Variants in SIMC1 observed in about 807,000 individuals in gnomAD.
SIMC1 encodes SUMO interacting motifs containing 1.
A neutral mutation model predicts 82.3 loss-of-function variants in SIMC1; 55 were observed. That is an observed-to-expected ratio of 0.67 (90% confidence interval 0.54 to 0.84). The LOEUF is 0.84. Among genes scored for constraint, SIMC1 ranks in the 40% least tolerant of loss-of-function variants. The probability of loss-of-function intolerance (pLI) is 0.00; values close to 1 mark genes in which losing one functional copy is unlikely to be tolerated. For missense variants in SIMC1, 915 were observed against 1,107.2 expected (o/e 0.83, Z 2.46); for synonymous variants, 353 against 426.3 (o/e 0.83, Z 2.12).
chr5:176,289,511 G>A (rs935652644), intron 1 of SIMC1, 143 bp from the exon 2 acceptor site: 6 of 654,290 alleles, frequency 9.2e-6, no homozygotes, highest in Non-Finnish European at 1.5e-5. Context: ...CAATACTATT[G>A]CTTATGTTAC....
chr5:176,341,821 A>G (rs915742561), intron 9 of SIMC1, among the ~76,000 whole-genome samples: 3 of 152,200 alleles, frequency 2.0e-5, no homozygotes, highest in African/African-American at 7.2e-5. Flanking sequence ...ACTACTAACA[A>G]TACTATCAGC....
intron 4 of SIMC1, chr5:176,308,734 T>C (rs902562240): frequency 1.1e-5 from 16 of 1,437,874 alleles, no homozygotes; most frequent in African/African-American, 8.4e-5. Context: ...CATGTCACTA[T>C]CGGGAAAGCG....
chr5:176,293,845 G>A (rs895323628), intron 2 of SIMC1, among the ~76,000 whole-genome samples: 1 of 152,028 alleles, frequency 6.6e-6, no homozygotes, highest in African/African-American at 2.4e-5. Context: ...AGTAATAAGT[G>A]TGTTATGGAA....
chr5:176,305,134 GGA>G (rs1491368772), intron 4 of SIMC1, among the ~76,000 whole-genome samples: 530 of 7,152 alleles, frequency 0.074, 7 homozygotes, highest in African/African-American at 0.13. Flanking sequence ...GTGCCATCCA[GGA>G]GGGGGGGGGG....
At position 176,313,795 on chromosome 5, in the gene SIMC1, A is replaced by G. The variant is rs1399022287; in HGVS notation, c.1839A>G (p.Gln613=). The G allele has an allele frequency of 5.0e-6, 8 of 1,613,966 alleles. No homozygotes were observed. The highest frequency in any genetic ancestry group is 6.8e-6 in the Non-Finnish European group (8 of 1,179,878). The change falls in exon 5 of 10, where the codon CAA becomes CAG. Residue 613 remains glutamine, a synonymous_variant. Coordinates refer to ENST00000429602, the MANE Select transcript of SIMC1 (RefSeq NM_001308195.2). ...GGAGGCAACGGCAGCACCTGCAGCA[A>G]TCCATTGCAAACATGGTGCTTTCCT... The part of the protein sequence containing the change: ...TLRRQRQHLQ[Q]SIANMVLSCD...
chr5:176,269,773 CCTCA>C (rs1188991080), intron 1 of SIMC1, among the ~76,000 whole-genome samples: 2 of 152,110 alleles, frequency 1.3e-5, no homozygotes, highest in Admixed American at 6.5e-5. Context: ...AGAGATGACG[CCTCA>C]CTCTATTGCC....
chr5:176,338,590 G>A (rs1186062715), intron 9 of SIMC1, among the ~76,000 whole-genome samples: 2 of 152,102 alleles, frequency 1.3e-5, no homozygotes, highest in Non-Finnish European at 2.9e-5. Context: ...TTGGCCTTAG[G>A]AAATCCATAC....
At chr5:176,246,686 A>G (rs557585396) in intron 1 of SIMC1, among the ~76,000 whole-genome samples, 64 of 152,044 alleles carry the variant, frequency 4.2e-4, no homozygotes, top group African/African-American at 1.5e-3. Context: ...AGGTATACAC[A>G]TGCCATGGTG....
At chr5:176,299,681 G>A (rs917818812) in intron 4 of SIMC1, among the ~76,000 whole-genome samples, 5 of 152,282 alleles carry the variant, frequency 3.3e-5, no homozygotes, top group Middle Eastern at 3.4e-3. Flanking sequence ...CACAATAATA[G>A]TAGGAGATTC....
At chr5:176,313,509 C>G in intron 4 of SIMC1, 182 bp from the exon 5 acceptor site, 1 of 1,551,366 alleles carries the variant, frequency 6.4e-7, no homozygotes, top group Non-Finnish European at 8.8e-7. Context: ...AGCAGTCACC[C>G]TATTTGTCCT....
intron 1 of SIMC1, among the ~76,000 whole-genome samples, chr5:176,280,907 T>G (rs1762975795): frequency 6.6e-6 from 1 of 152,192 alleles, no homozygotes; most frequent in African/African-American, 2.4e-5. Context: ...CAATTATGTG[T>G]CTTGGAATTG....
intron 1 of SIMC1, among the ~76,000 whole-genome samples, chr5:176,264,940 G>A (rs1217694483): frequency 1.3e-5 from 2 of 152,156 alleles, no homozygotes; most frequent in African/African-American, 2.4e-5. Flanking sequence ...AGGCCAAGGA[G>A]GGAAGATTGC....
chr5:176,277,597 CTT>C (rs1762771684), intron 1 of SIMC1, among the ~76,000 whole-genome samples: 1 of 152,004 alleles, frequency 6.6e-6, no homozygotes, highest in Non-Finnish European at 1.5e-5. Flanking sequence ...ACGTTTAAGT[CTT>C]TAATCTATCT....
intron 1 of SIMC1, among the ~76,000 whole-genome samples, chr5:176,249,955 T>C (rs1314671809): frequency 6.6e-6 from 1 of 152,098 alleles, no homozygotes; most frequent in Non-Finnish European, 1.5e-5. Flanking sequence ...TCTTGCCTTC[T>C]GCTAGCTTTT....
chr5:176,318,766 T>C (rs1342840071), intron 5 of SIMC1, among the ~76,000 whole-genome samples: 1 of 152,226 alleles, frequency 6.6e-6, no homozygotes, highest in Non-Finnish European at 1.5e-5. Context: ...CTACAGAACA[T>C]CAGAGGAAAT....
chr5:176,274,823 C>A (rs543837505), intron 1 of SIMC1, among the ~76,000 whole-genome samples: 1 of 150,916 alleles, frequency 6.6e-6, no homozygotes, highest in African/African-American at 2.4e-5. Context: ...TGTAGATAGG[C>A]GGCATTATTT....
At chr5:176,314,953 G>A (rs1422949938) in intron 5 of SIMC1, among the ~76,000 whole-genome samples, 1 of 152,178 alleles carries the variant, frequency 6.6e-6, no homozygotes, top group Non-Finnish European at 1.5e-5. Context: ...ACTGTAAGCT[G>A]TCAGTGTTCT....
chr5:176,251,300 C>T (rs77874810), intron 1 of SIMC1, among the ~76,000 whole-genome samples: 5 of 152,196 alleles, frequency 3.3e-5, no homozygotes, highest in Admixed American at 6.5e-5. Context: ...GCAGAGATTA[C>T]AGCAAGCCAA....
intron 9 of SIMC1, 77 bp from the exon 10 acceptor site, chr5:176,345,106 A>G (rs1766379866): frequency 1.3e-6 from 2 of 1,532,468 alleles, no homozygotes; most frequent in African/African-American, 1.4e-5. Context: ...CCAAGACTCT[A>G]CCTACCAAAA....
Sources: gnomAD v4.1 joint callset for allele counts (sites outside exome capture counted in the v4.1 genomes callset) on GRCh38, gnomAD v4.1.1 for gene constraint, MANE v1.5 for transcripts, NCBI Gene and HGNC (gene_info 2026-07-23, HGNC 2026-07-21) for gene names.